RHOT1: variants seen among roughly 807,000 people sequenced by gnomAD.
RHOT1 encodes mitochondrial Rho GTPase 1.
In RHOT1, 27 loss-of-function variants were observed where a neutral mutation model predicts 95.3. The observed-to-expected ratio is 0.28, with a 90% CI of 0.21 to 0.39. RHOT1 has a LOEUF of 0.39. Ranked by LOEUF, RHOT1 falls within the 10% of genes least tolerant of loss-of-function variation. RHOT1 has a pLI of 1.00. For synonymous variants in RHOT1, 227 were observed against 263.5 expected (o/e 0.86, Z 1.34); for missense variants, 578 against 786.7 (o/e 0.73, Z 3.17).
intron 19 of RHOT1, among the ~76,000 whole-genome samples, chr17:32,213,155 T>A (rs2038240290): frequency 6.6e-6 from 1 of 152,248 alleles, no homozygotes; most frequent in African/African-American, 2.4e-5. Context: ...TCCTTTCTGA[T>A]GTGTATTTGA....
intron 1 of RHOT1, among the ~76,000 whole-genome samples, chr17:32,145,759 TATCTC>T (rs539784706): frequency 1.3e-3 from 201 of 152,166 alleles, no homozygotes; most frequent in African/African-American, 4.6e-3. Context: ...TCATGCCTAT[TATCTC>T]AGCACTTTGG....
intron 1 of RHOT1, among the ~76,000 whole-genome samples, chr17:32,157,506 A>G (rs986192461): frequency 2.6e-5 from 4 of 152,206 alleles, no homozygotes; most frequent in African/African-American, 9.6e-5. Context: ...ACACAAATGA[A>G]TCAGAGTTAA....
chr17:32,193,895 G>A (rs1379155243), intron 10 of RHOT1, 92 bp from the exon 11 acceptor site: 53 of 1,450,458 alleles, frequency 3.7e-5, no homozygotes, highest in Admixed American at 2.8e-4. Flanking sequence ...GCTAGCATCC[G>A]TATGTTCATG....
chr17:32,147,627 C>G (rs1469939129), intron 1 of RHOT1, among the ~76,000 whole-genome samples: 1 of 151,964 alleles, frequency 6.6e-6, no homozygotes, highest in African/African-American at 2.4e-5. Context: ...CGACACCAGC[C>G]TGACTGACAT....
chr17:32,212,746 C>T (rs964076303), intron 19 of RHOT1, among the ~76,000 whole-genome samples: 25 of 152,058 alleles, frequency 1.6e-4, no homozygotes, highest in African/African-American at 7.2e-5. Context: ...GAACAACATA[C>T]GACTATCCTA....
At chr17:32,186,530 A>T (rs1373116218) in intron 8 of RHOT1, among the ~76,000 whole-genome samples, 1 of 151,314 alleles carries the variant, frequency 6.6e-6, no homozygotes, top group Non-Finnish European at 1.5e-5. Flanking sequence ...CGCCCGGCTA[A>T]TTTTTTTTGT....
Position 32,224,624 on chromosome 17 carries a change from C to A in RHOT1, c.1871C>A (p.Thr624Lys). 2 of 1,612,028 alleles carry A rather than the reference C, an allele frequency of 1.2e-6. No homozygotes were observed. The change falls in exon 20 of 20, where the codon ACA (threonine) becomes AAA (lysine). Residue 624 changes from threonine (T) to lysine (K), a missense_variant. This residue lies in a region of RHOT1 where 296 missense variants were observed against 338.5 expected (regional missense o/e 0.87). Transcript: ENST00000545287. ...IFTAVLNRHV[T>K]QADLKSSTFW... is the part of the protein sequence containing the mutation. ...ATATTTTCTGACTGCAGGCACGTGA[C>A]ACAAGCTGACCTCAAGAGCTCCACG...
In RHOT1 at chr17:32,175,198, G is replaced by C. The variant is rs1274805707; in HGVS notation, c.179-121G>C. The C allele has an allele frequency of 3.7e-6, 3 of 802,846 alleles. No homozygotes were observed. In the African/African-American group the frequency reaches 5.2e-5, roughly 14 times the overall value. The allele number at this position is 802,846 out of a possible 1,614,324, so 49.7% of individuals were successfully genotyped here. ...CTTTTCCTTCCCCTGGCTTTCCCTT[G>C]TGTTTGCTACACCATGTCATTTTGA... On this transcript the variant is annotated intron_variant, in intron 3 of 19. Coordinates refer to ENST00000545287, the MANE Select transcript of RHOT1 (RefSeq NM_001033566.3).
At chr17:32,180,897 A>G (rs1272926846) in intron 6 of RHOT1, among the ~76,000 whole-genome samples, 1 of 152,174 alleles carries the variant, frequency 6.6e-6, no homozygotes, top group African/African-American at 2.4e-5. Flanking sequence ...GTTATCCAGG[A>G]TAGTTTTGAG....
chr17:32,170,898 A>G (rs2034521039), intron 1 of RHOT1, 145 bp from the exon 2 acceptor site: 1 of 481,464 alleles, frequency 2.1e-6, no homozygotes, highest in Non-Finnish European at 3.7e-6. Flanking sequence ...ACATAAAGAT[A>G]TACTTTTAAG....
chr17:32,223,382 T>C (rs1234905902), intron 19 of RHOT1, among the ~76,000 whole-genome samples: 1 of 151,972 alleles, frequency 6.6e-6, no homozygotes, highest in African/African-American at 2.4e-5. Context: ...AGACAGTCTC[T>C]CTAAGCTCTT....
rs143251709 is a variant in RHOT1 at position 32,187,449 on chromosome 17, A to G, written c.540+4177A>G. Among the ~76,000 whole-genome samples the G allele has an allele frequency of 4.6e-5, 7 of 151,790 alleles. No homozygotes were observed. In the East Asian group the frequency reaches 1.4e-3, roughly 30 times the overall value. Reference sequence around the variant, plus strand: ...GATTGCTTTGATTCTGTTTGTCGGGAGAGGTATTGTTTTTAAGAATAAAAA... The same window carrying G: ...GATTGCTTTGATTCTGTTTGTCGGGGGAGGTATTGTTTTTAAGAATAAAAA... On this transcript the variant is annotated intron_variant, in intron 8 of 19. Transcript: ENST00000545287.
intron 1 of RHOT1, chr17:32,151,579 C>T: frequency 2.9e-6 from 1 of 341,744 alleles, no homozygotes; most frequent in South Asian, 3.8e-5. Context: ...TCTCAATGAA[C>T]TTTTTAAAAA....
chr17:32,177,754 CAA>C (rs765273097), intron 6 of RHOT1, among the ~76,000 whole-genome samples: 7 of 87,036 alleles, frequency 8.0e-5, no homozygotes, highest in Non-Finnish European at 9.5e-5. Flanking sequence ...GACTCCGTCT[CAA>C]AAAAAAAAAA....
intron 1 of RHOT1, among the ~76,000 whole-genome samples, chr17:32,152,599 AAAG>A (rs2032447235): frequency 6.6e-6 from 1 of 152,004 alleles, no homozygotes; most frequent in Non-Finnish European, 1.5e-5. Context: ...CTGAAAAAAA[AAAG>A]AGAGAGAGAG....
At chr17:32,218,748 A>C (rs567879416) in intron 19 of RHOT1, among the ~76,000 whole-genome samples, 26 of 152,240 alleles carry the variant, frequency 1.7e-4, no homozygotes, top group Non-Finnish European at 3.4e-4. Context: ...CAGGAGGTTG[A>C]GGCTGCAGTG....
At position 32,198,964 on chromosome 17, in the gene RHOT1, A is replaced by C. The variant is rs2037111421; in HGVS notation, c.887A>C (p.Asp296Ala). The stretch of plus-strand genomic sequence containing the variant: ...TTCAACAGGCTGAAAATACCTCCTG[A>C]TTGCACTACTGAATTAAATCATCAT... ...YLFPLLKIPP[D>A]CTTELNHHAY... Residue 296 changes from aspartate to alanine, a missense_variant, in exon 12 of 20, where the codon GAT becomes GCT. This residue lies in a region of RHOT1 where 227 missense variants were observed against 316.0 expected (regional missense o/e 0.72). Coordinates refer to ENST00000545287, the MANE Select transcript of RHOT1 (RefSeq NM_001033566.3). 9.9e-6 allele frequency: 16 copies of C among 1,608,312 alleles called. No individual in the cohort carries two copies. The East Asian group carries it at 3.4e-4, about 34-fold the overall frequency.
intron 1 of RHOT1, among the ~76,000 whole-genome samples, chr17:32,157,522 C>T (rs963830448): frequency 3.9e-5 from 6 of 152,144 alleles, no homozygotes; most frequent in African/African-American, 1.4e-4. Context: ...GTTAAGAATA[C>T]ATGTGTTGGC....
At chr17:32,211,033 T>C in intron 18 of RHOT1, 83 bp from the exon 19 acceptor site, 1 of 1,380,862 alleles carries the variant, frequency 7.2e-7, no homozygotes, top group Non-Finnish European at 9.8e-7. Context: ...GCCTAAGTCT[T>C]TTTTTTTTAA....
Sources: allele counts gnomAD v4.1 joint callset (sites outside exome capture counted in the v4.1 genomes callset), GRCh38; gene constraint gnomAD v4.1.1; regional missense constraint gnomAD v4.1.1; transcripts MANE v1.5; gene names NCBI Gene and HGNC (gene_info 2026-07-23, HGNC 2026-07-21).